Variants in ADCY3 observed in about 807,000 individuals in gnomAD.
ADCY3 encodes the protein adenylate cyclase 3, also known as adenylate cyclase type 3.
Under a neutral mutation model 119.4 loss-of-function variants are expected in ADCY3, and 70 were observed. The observed-to-expected ratio is 0.59, with a 90% CI of 0.48 to 0.72. ADCY3 has a LOEUF of 0.72. ADCY3 is among the 30% of genes least tolerant of loss of function. The pLI, the probability that ADCY3 is intolerant of heterozygous loss-of-function variation, is 0.00. For missense variants in ADCY3, 1,238 were observed against 1,541.6 expected, an observed-to-expected ratio of 0.80 and a Z score of 3.30; for synonymous variants, 672 against 621.4, an observed-to-expected ratio of 1.08 and a Z score of -1.21.
At chr2:24,882,197 G>A (rs562981769) in intron 2 of ADCY3, among the ~76,000 whole-genome samples, 8 of 152,220 alleles carry the variant, frequency 5.3e-5, no homozygotes, top group African/African-American at 1.9e-4. Flanking sequence ...CCACCCAGAA[G>A]GCCCACGTTT....
Position 24,872,650 on chromosome 2 carries a change from G to T in ADCY3, c.745C>A (p.Arg249Ser). The T allele has an allele frequency of 1.2e-6, 2 of 1,614,186 alleles. No homozygotes were observed. The highest frequency in any genetic ancestry group is 2.7e-5 in the African/African-American group (2 of 75,040). ...TCCAGGAAGGCCTTGCGGTGCTTGC[G>T]GTCAGCCATGTAGTAGGACATGATG... ...VGIMSYYMAD[R>S]KHRKAFLEAR... Residue 249 changes from arginine to serine, a missense_variant, in exon 3 of 22, where the codon CGC becomes AGC. Coordinates refer to ENST00000679454, the MANE Select transcript of ADCY3 (RefSeq NM_004036.5). This position sits in a 1 kb window ranked among gnomAD's most constrained non-coding sequence, Gnocchi z 4.4.
intron 20 of ADCY3, 105 bp from the exon 21 acceptor site, chr2:24,820,953 C>CA: frequency 1.4e-6 from 2 of 1,476,700 alleles, no homozygotes; most frequent in South Asian, 2.6e-5. Flanking sequence ...CCTAATGTAA[C>CA]ACATCATTGT....
chr2:24,889,508 G>A (rs922238955), intron 2 of ADCY3, among the ~76,000 whole-genome samples: 40 of 152,172 alleles, frequency 2.6e-4, no homozygotes, highest in African/African-American at 8.9e-4. Flanking sequence ...CATTGTCTCA[G>A]CAGGCTTCAG....
In ADCY3 at chr2:24,841,159, C is replaced by T; in HGVS notation, c.1196+100G>A. 1 of 1,334,888 alleles carries T rather than the reference C, an allele frequency of 7.5e-7. No homozygotes were observed. Among genetic ancestry groups the T allele is most frequent in the Non-Finnish European group, 9.9e-7 (1 of 1,006,300 alleles). 82.7% of individuals were successfully genotyped at this position (1,334,888 alleles called of 1,614,324 possible). ...CAGTCTCTGCTTCCAGCAGATCCCC[C>T]ACCCAGGGGCCATGGCCAGCGCGGA... On this transcript the variant is annotated intron_variant, in intron 6 of 21. Coordinates refer to ENST00000679454, the MANE Select transcript of ADCY3 (RefSeq NM_004036.5). The surrounding 1 kb of genome is among the most constrained non-coding windows in gnomAD (Gnocchi z 5.8).
In ADCY3 at chr2:24,822,520, G is replaced by A; in HGVS notation, c.2994C>T (p.Ser998=). ...TACTGGGGTTAGCTACCTTGTTGGA[G>A]CTGGCAAAGCCATTGGTGTTGACAT... is the stretch of plus-strand genomic sequence containing the variant. ...TPDVNTNGFA[S]SNKEDKSERE... Residue 998 remains serine, a synonymous_variant, in exon 19 of 22, where the codon AGC becomes AGT. Transcript: ENST00000679454. The A allele has an allele frequency of 6.2e-7, 1 of 1,613,736 alleles. No homozygotes were observed.
chr2:24,902,101 G>T (rs1260910688), intron 2 of ADCY3, among the ~76,000 whole-genome samples: 6 of 118,938 alleles, frequency 5.0e-5, no homozygotes, highest in African/African-American at 1.9e-4. Context: ...TTTTTTTTGA[G>T]ACAGGGTCTC....
chr2:24,847,499 C>T lies in ADCY3; in HGVS notation c.826-5115G>A, dbSNP rs144592055. Among the ~76,000 whole-genome samples, 290 of 152,250 alleles carry T rather than the reference C, an allele frequency of 1.9e-3. 1 individual carries two copies. Among genetic ancestry groups the T allele is most frequent in the African/African-American group, 6.5e-3 (272 of 41,548 alleles). On this transcript the variant is annotated intron_variant, in intron 3 of 21. Coordinates refer to ENST00000679454, the MANE Select transcript of ADCY3 (RefSeq NM_004036.5). ...ATGAGAAGGCAAAGTAATCCCAGTACGCCCTGCCCTGGCTCCACCGAAGCC... is the reference window on the plus strand; with the variant it reads ...ATGAGAAGGCAAAGTAATCCCAGTATGCCCTGCCCTGGCTCCACCGAAGCC...
In ADCY3 at chr2:24,918,306, G is replaced by A. The variant is rs1389987930; in HGVS notation, c.675+7C>T. 2 of 1,551,594 alleles carry A rather than the reference G, an allele frequency of 1.3e-6. No homozygotes were observed. Among genetic ancestry groups the A allele is most frequent in the Admixed American group, 3.8e-5 (2 of 52,672 alleles). On this transcript the variant is annotated splice_region_variant and intron_variant, in intron 2 of 21. Coordinates refer to ENST00000679454, the MANE Select transcript of ADCY3 (RefSeq NM_004036.5). This position sits in a 1 kb window ranked among gnomAD's most constrained non-coding sequence, Gnocchi z 5.4. ...GACGCTGTGGGGGGACAGTGGGCAG[G>A]ACTCACCTCCCGCAGCAGCTGCATC...
At chr2:24,875,373 G>A (rs1675561278) in intron 2 of ADCY3, among the ~76,000 whole-genome samples, 1 of 152,228 alleles carries the variant, frequency 6.6e-6, no homozygotes, top group African/African-American at 2.4e-5. Flanking sequence ...CCCCGTGGGT[G>A]TAGCTGATGG....
Position 24,834,794 on chromosome 2 carries a change from A to G in ADCY3, c.1805T>C (p.Val602Ala), listed in dbSNP as rs765204836. The G allele has an allele frequency of 2.5e-6, 4 of 1,612,978 alleles. No homozygotes were observed. The highest frequency in any genetic ancestry group is 1.1e-5 in the South Asian group (1 of 91,044). ...EALLERESAQ[V>A]VKKRNTFLLS... ...CTGGACGCTTCCGGGTGGCGCTTAC[A>G]CTTGGGCGGACTCTCGCTCAAGCAG... is the stretch of plus-strand genomic sequence containing the variant. Residue 602 changes from valine to alanine, a missense_variant and splice_region_variant, in exon 10 of 22, where the codon GTA becomes GCA. This residue lies in a region of ADCY3 where 499 missense variants were observed against 571.0 expected (regional missense o/e 0.87). Coordinates refer to ENST00000679454, the MANE Select transcript of ADCY3 (RefSeq NM_004036.5). The surrounding 1 kb of genome is among the most constrained non-coding windows in gnomAD (Gnocchi z 4.2).
chr2:24,822,649 A>G lies in ADCY3; in HGVS notation c.2884-19T>C, dbSNP rs745831583. 9.4e-5 allele frequency: 151 copies of G among 1,612,592 alleles called. No homozygotes were observed. The highest frequency in any genetic ancestry group is 1.2e-4 in the Non-Finnish European group (141 of 1,178,874). On this transcript the variant is annotated intron_variant, in intron 18 of 21. Transcript: ENST00000679454. ...CCAGGAGCTGAGGCCAGGATTCAGG[A>G]AAGAATTGTCAGCAGTCAAGGGAGA...
At chr2:24,837,190 C>CG in intron 8 of ADCY3, 145 bp from the exon 9 acceptor site, 1 of 964,478 alleles carries the variant, frequency 1.0e-6, no homozygotes. Context: ...CAAAGTGAGG[C>CG]GTCAAGGATG....
intron 12 of ADCY3, among the ~76,000 whole-genome samples, chr2:24,831,230 T>TA (rs5829943): frequency 0.46 from 67,415 of 147,376 alleles, 15,939 homozygotes; most frequent in East Asian, 0.6. Context: ...TCATTCTGAT[T>TA]AAAAAAAAAA....
At chr2:24,893,995 ATC>A (rs1677979446) in intron 2 of ADCY3, among the ~76,000 whole-genome samples, 1 of 152,196 alleles carries the variant, frequency 6.6e-6, no homozygotes, top group South Asian at 2.1e-4. Context: ...TCTTCTACTT[ATC>A]TTACTGTTCT....
intron 2 of ADCY3, among the ~76,000 whole-genome samples, chr2:24,895,742 C>T (rs1415453838): frequency 6.6e-6 from 1 of 152,104 alleles, no homozygotes; most frequent in African/African-American, 2.4e-5. Context: ...CCTCCCGTCT[C>T]AGCCTCCTGA....
Position 24,834,858 on chromosome 2 carries a change from C to T in ADCY3, c.1741G>A (p.Glu581Lys), listed in dbSNP as rs1670085488. ...DLADRVVDAS[E>K]DEHELNQLLN... ...AGCTGGTTGAGCTCGTGCTCATCTT[C>T]AGAGGCATCCACCACTCGGTCAGCC... Residue 581 changes from glutamate (E) to lysine (K), a missense_variant, in exon 10 of 22, where the codon GAA becomes AAA. Glu to Lys is a moderately conservative substitution (Grantham distance 56). This residue lies in a region of ADCY3 where 499 missense variants were observed against 571.0 expected (regional missense o/e 0.87). Coordinates refer to ENST00000679454, the MANE Select transcript of ADCY3 (RefSeq NM_004036.5). This position sits in a 1 kb window ranked among gnomAD's most constrained non-coding sequence, Gnocchi z 4.2. 6.2e-7 allele frequency: 1 copy of T among 1,613,806 alleles called. No individual in the cohort carries two copies.
At chr2:24,862,362 C>G (rs1053513850) in intron 3 of ADCY3, among the ~76,000 whole-genome samples, 4 of 152,054 alleles carry the variant, frequency 2.6e-5, no homozygotes, top group African/African-American at 9.7e-5. Flanking sequence ...CTGGCTAACA[C>G]GGTGAAACCC....
chr2:24,878,040 C>T lies in ADCY3; in HGVS notation c.676-5321G>A. 5.0e-6 allele frequency: 2 copies of T among 397,474 alleles called. No homozygotes were observed. Among genetic ancestry groups the T allele is most frequent in the Non-Finnish European group, 1.1e-5 (2 of 188,254 alleles). 24.6% of individuals were successfully genotyped at this position (397,474 alleles called of 1,614,324 possible). A position where few individuals can be genotyped will look rare whatever the true frequency, so the allele number is the denominator to read the frequency against. ...CTCTGTGGTGACAGAGGTCCACAGC[C>T]CCTGGGGTCTCTATTTATAGATCTT... On this transcript the variant is annotated intron_variant, in intron 2 of 21. Transcript: ENST00000679454. The surrounding 1 kb of genome is among the most constrained non-coding windows in gnomAD (Gnocchi z 4.0).
At chr2:24,830,864 C>T (rs373516357) in intron 12 of ADCY3, 39 bp from the exon 13 acceptor site, 9 of 1,523,910 alleles carry the variant, frequency 5.9e-6, no homozygotes, top group Non-Finnish European at 7.3e-6. Flanking sequence ...GAGCCTTTGC[C>T]AGTCCTTTCT....
Sources: gnomAD v4.1 joint callset for allele counts (sites outside exome capture counted in the v4.1 genomes callset) on GRCh38, gnomAD v4.1.1 for gene constraint, gnomAD v4.1.1 regional missense constraint, Gnocchi (gnomAD v3.1) non-coding constraint, MANE v1.5 for transcripts, NCBI Gene and HGNC (gene_info 2026-07-23, HGNC 2026-07-21) for gene names.